IMPA2: variants seen among roughly 807,000 people sequenced by gnomAD.
IMPA2 encodes inositol monophosphatase 2.
In IMPA2, 32 loss-of-function variants were observed where a neutral mutation model predicts 35.1. The observed-to-expected ratio is 0.91, with a 90% confidence interval of 0.69 to 1.23. The LOEUF is 1.23. IMPA2 is among the 50% of genes most tolerant of loss of function. The probability of loss-of-function intolerance (pLI) is 0.00; values close to 1 mark genes in which losing one functional copy is unlikely to be tolerated. For synonymous variants in IMPA2, 135 were observed against 160.6 expected, an observed-to-expected ratio of 0.84 and a Z score of 1.20; for missense variants, 334 against 387.6, an observed-to-expected ratio of 0.86 and a Z score of 1.16.
chr18:12,002,377 G>A (rs771783580), intron 2 of IMPA2, among the ~76,000 whole-genome samples: 2 of 152,030 alleles, frequency 1.3e-5, no homozygotes, highest in Non-Finnish European at 2.9e-5. Context: ...CCTGATACAG[G>A]CTCCCCAGTT....
In IMPA2 at chr18:12,008,678, G is replaced by A. The variant is rs1907347899; in HGVS notation, c.231-1205G>A. On this transcript the variant is annotated intron_variant, in intron 2 of 7. Coordinates refer to ENST00000269159, the MANE Select transcript of IMPA2 (RefSeq NM_014214.3). ...GGGGTGCAGGAGGAAGGGTGACAGT[G>A]CATGGGGCGAGAGTGCTTTCCCTTG... 3.9e-5 allele frequency: 16 copies of A among 406,890 alleles called. No homozygotes were observed. The Admixed American group carries it at 3.9e-4, about 10-fold the overall frequency. 25.2% of individuals were successfully genotyped at this position (406,890 alleles called of 1,614,324 possible).
chr18:12,005,641 G>A (rs950347388), intron 2 of IMPA2, among the ~76,000 whole-genome samples: 1 of 152,186 alleles, frequency 6.6e-6, no homozygotes, highest in Non-Finnish European at 1.5e-5. Context: ...AAGCTGCTTG[G>A]TGACTTCCCT....
intron 5 of IMPA2, among the ~76,000 whole-genome samples, chr18:12,020,413 G>C (rs1218257992): frequency 2.0e-5 from 3 of 152,102 alleles, no homozygotes; most frequent in Admixed American, 2.0e-4. Flanking sequence ...GGCTGGTCTC[G>C]AACTCCCGAT....
chr18:12,029,213 C>T (rs531630967), intron 7 of IMPA2, among the ~76,000 whole-genome samples: 1 of 141,514 alleles, frequency 7.1e-6, no homozygotes, highest in African/African-American at 2.7e-5. Context: ...CTCACGGGTT[C>T]AAGCAATTCT....
chr18:11,995,432 G>A (rs550884732), intron 1 of IMPA2, among the ~76,000 whole-genome samples: 3 of 152,364 alleles, frequency 2.0e-5, no homozygotes, highest in East Asian at 3.9e-4. Context: ...AGATTGCAAG[G>A]CAGCTCTGTG....
chr18:11,996,542 C>T (rs945147844), intron 1 of IMPA2, among the ~76,000 whole-genome samples: 2 of 152,210 alleles, frequency 1.3e-5, no homozygotes, highest in East Asian at 3.9e-4. Flanking sequence ...GGGTTCAGAA[C>T]CCACCACCAC....
In IMPA2 at chr18:12,015,686, G is replaced by A. The variant is rs914178112; in HGVS notation, c.490+1313G>A. On this transcript the variant is annotated intron_variant, in intron 5 of 7. Coordinates refer to ENST00000269159, the MANE Select transcript of IMPA2 (RefSeq NM_014214.3). ...CTGATCCCAGAGAGGCCTTGGAATG[G>A]CCTCTGGCCCTGCCTCACCTTCCCT... Among the ~76,000 whole-genome samples the A allele has an allele frequency of 2.0e-5, 3 of 152,226 alleles. No homozygotes were observed. The South Asian group carries it at 6.2e-4, about 32-fold the overall frequency.
In IMPA2 at chr18:11,999,135, C is replaced by T; in HGVS notation, c.178C>T (p.Leu60Phe). ...AGATCTTGTGACAGAAACAGATCAC[C>T]TTGTGGAAGATTTAATTATTTCTGA... is the stretch of plus-strand genomic sequence containing the variant. Reference protein sequence around the residue: ...AADLVTETDHLVEDLIISELR... With the variant: ...AADLVTETDHFVEDLIISELR... The change falls in exon 2 of 8, where the codon CTT becomes TTT. Residue 60 changes from leucine (L) to phenylalanine (F), a missense_variant. Transcript: ENST00000269159. 4 of 1,613,754 alleles carry T rather than the reference C, an allele frequency of 2.5e-6. No individual in the cohort carries two copies. The highest frequency in any genetic ancestry group is 1.7e-5 in the Admixed American group (1 of 59,996).
chr18:11,999,063 A>C lies in IMPA2; in HGVS notation c.106A>C (p.Lys36Gln). 6.2e-7 allele frequency: 1 copy of C among 1,612,962 alleles called. No individual in the cohort carries two copies. Among genetic ancestry groups the C allele is most frequent in the African/African-American group, 1.3e-5 (1 of 74,892 alleles). The change falls in exon 2 of 8, where the codon AAA (lysine) becomes CAA (glutamine). Residue 36 changes from lysine to glutamine, a missense_variant. By Grantham distance (53) the Lys-to-Gln change is moderately conservative. Transcript: ENST00000269159. ...LALRAGQIIR[K>Q]ALTEEKRVST... ...CGTACTTTTATTTCAGATCATCAGA[A>C]AAGCCCTTACTGAGGAAAAACGTGT... is the stretch of plus-strand genomic sequence containing the variant.
At position 12,030,512 on chromosome 18, in the gene IMPA2, TG is replaced by T; in HGVS notation, c.*58del. ...GCCTCCCTGGGCTGCTGTGGGCTCC[TG>T]GGGAGGTGGCCCTCGTGGCCCACGC... is the stretch of plus-strand genomic sequence containing the variant. On this transcript the variant is annotated 3_prime_UTR_variant, in exon 8 of 8. Coordinates refer to ENST00000269159, the MANE Select transcript of IMPA2 (RefSeq NM_014214.3). 6.9e-7 allele frequency: 1 copy of T among 1,454,160 alleles called. No individual in the cohort carries two copies. 90.1% of individuals were successfully genotyped at this position (1,454,160 alleles called of 1,614,324 possible).
intron 2 of IMPA2, among the ~76,000 whole-genome samples, chr18:11,999,863 G>T (rs530267348): frequency 5.9e-5 from 9 of 152,320 alleles, no homozygotes; most frequent in African/African-American, 2.2e-4. Flanking sequence ...CATTTTAAGG[G>T]AGCCATGAAC....
chr18:11,999,629 C>T (rs929037962), intron 2 of IMPA2, among the ~76,000 whole-genome samples: 1 of 152,206 alleles, frequency 6.6e-6, no homozygotes, highest in African/African-American at 2.4e-5. Flanking sequence ...CTGGCAGCCG[C>T]GTGGGGCCCC....
intron 2 of IMPA2, among the ~76,000 whole-genome samples, chr18:11,999,737 C>G (rs955719137): frequency 9.2e-5 from 14 of 152,268 alleles, no homozygotes; most frequent in African/African-American, 3.4e-4. Context: ...GCTGTCCCTG[C>G]AAGAGGCCTG....
At chr18:12,028,789 C>A in intron 6 of IMPA2, 53 bp from the exon 7 acceptor site, 1 of 1,585,248 alleles carries the variant, frequency 6.3e-7, no homozygotes, top group South Asian at 1.1e-5. Context: ...GCTTGCACAC[C>A]ACAGAAAAGG....
rs202132842 is a variant in IMPA2, at chr18:12,022,528, AATATAT to A, written c.491-5492_491-5487del. ...CAGAATGGGGCTCCATCTCAAAAAG[AATATAT>A]ATATATATATATATATATATATTTG... On this transcript the variant is annotated intron_variant, in intron 5 of 7. Transcript: ENST00000269159. 9.5e-3 allele frequency among the ~76,000 whole-genome samples: 916 copies of A among 96,794 alleles called. 35 individuals are homozygous for A. Among genetic ancestry groups the A allele is most frequent in the Non-Finnish European group, 0.013 (631 of 49,542 alleles). The allele number at this position is 96,794 out of a possible 152,430, so 63.5% of individuals were successfully genotyped here.
chr18:11,987,506 T>C (rs1906700134), intron 1 of IMPA2, among the ~76,000 whole-genome samples: 1 of 152,092 alleles, frequency 6.6e-6, no homozygotes. Context: ...AATTTTTGTA[T>C]TTTTAGTAGA....
intron 1 of IMPA2, among the ~76,000 whole-genome samples, chr18:11,985,901 G>T (rs923168877): frequency 5.3e-5 from 8 of 152,180 alleles, no homozygotes; most frequent in African/African-American, 1.7e-4. Context: ...AAAGTCTGAT[G>T]GAAGGACAGT....
chr18:12,005,602 CTTATA>C (rs1023727080), intron 2 of IMPA2, among the ~76,000 whole-genome samples: 1 of 152,168 alleles, frequency 6.6e-6, no homozygotes, highest in Non-Finnish European at 1.5e-5. Flanking sequence ...AACAAATTAA[CTTATA>C]TTAATAGTTG....
chr18:12,015,577 G>A, intron 5 of IMPA2, among the ~76,000 whole-genome samples: 1 of 152,206 alleles, frequency 6.6e-6, no homozygotes, highest in East Asian at 1.9e-4. Flanking sequence ...GGAGGTGGCT[G>A]CAGGAGAGCC....
Sources: allele counts gnomAD v4.1 joint callset (sites outside exome capture counted in the v4.1 genomes callset), GRCh38; gene constraint gnomAD v4.1.1; transcripts MANE v1.5; gene names NCBI Gene and HGNC (gene_info 2026-07-23, HGNC 2026-07-21).